Variants in SPATA9 observed in about 807,000 individuals in gnomAD.
SPATA9 encodes spermatogenesis-associated protein 9.
SPATA9 carries 27 observed loss-of-function variants against 25.5 expected under a neutral mutation model. That is an observed-to-expected ratio of 1.06 (90% confidence interval 0.78 to 1.46). The LOEUF (loss-of-function observed/expected upper bound fraction) is 1.46. SPATA9 is among the 40% of genes most tolerant of loss of function. The pLI is 0.00. For synonymous variants in SPATA9, 102 were observed against 105.7 expected (o/e 0.97, Z 0.21); for missense variants, 282 against 297.5 (o/e 0.95, Z 0.38).
chr5:95,687,813 A>G (rs1415225830), upstream of SPATA9, among the ~76,000 whole-genome samples: 5 of 152,194 alleles, frequency 3.3e-5, no homozygotes, highest in African/African-American at 9.6e-5. Context: ...TGTTTCCCCT[A>G]TCAGATTATA....
chr5:95,684,285 T>C (rs1259021938), upstream of SPATA9, among the ~76,000 whole-genome samples: 1 of 152,194 alleles, frequency 6.6e-6, no homozygotes, highest in Non-Finnish European at 1.5e-5. Context: ...CCTAGCAAGA[T>C]AGTTGGTCAT....
intron 1 of SPATA9, 88 bp downstream of exon 1, chr5:95,682,706 G>C: frequency 1.3e-6 from 2 of 1,509,008 alleles, no homozygotes; most frequent in Non-Finnish European, 1.8e-6. Context: ...CAAATTCCTA[G>C]ATGACTCGGA....
chr5:95,715,196 T>C, the SPATA9 span, among the ~76,000 whole-genome samples: 26 of 151,894 alleles, frequency 1.7e-4, no homozygotes, highest in East Asian at 5.8e-4. Context: ...TGGTGGTGCA[T>C]GCCTGTAGTC....
chr5:95,719,261 G>A, the SPATA9 span, among the ~76,000 whole-genome samples: 14 of 152,174 alleles, frequency 9.2e-5, no homozygotes, highest in Non-Finnish European at 1.8e-4. Flanking sequence ...TATAGTAAAT[G>A]TCTTCCTTGA....
the SPATA9 span, chr5:95,730,866 C>G: frequency 2.2e-6 from 1 of 455,640 alleles, no homozygotes; most frequent in Non-Finnish European, 4.4e-6. Context: ...AGCTGTAGCG[C>G]ATGTTGACAA....
At chr5:95,653,294 T>G in intron 8 of SPATA9, 12 of 1,532,868 alleles carry the variant, frequency 7.8e-6, no homozygotes, top group Non-Finnish European at 1.1e-5. Flanking sequence ...AAGAGCCAAC[T>G]GTGTACTCCA....
At chr5:95,667,060 TAAG>T (rs1751880571) in intron 3 of SPATA9, among the ~76,000 whole-genome samples, 1 of 152,174 alleles carries the variant, frequency 6.6e-6, no homozygotes, top group African/African-American at 2.4e-5. Context: ...ACCTATGAAA[TAAG>T]AACACAGGTT....
chr5:95,706,421 T>C, the SPATA9 span, among the ~76,000 whole-genome samples: 3 of 151,914 alleles, frequency 2.0e-5, no homozygotes, highest in Non-Finnish European at 2.9e-5. Context: ...CAGCCACAAA[T>C]GGGTGGAGTC....
At position 95,662,661 on chromosome 5, in the gene SPATA9, G is replaced by C. The variant is rs557041448; in HGVS notation, c.474+1292C>G. Among the ~76,000 whole-genome samples the C allele has an allele frequency of 5.9e-5, 9 of 152,232 alleles. No individual in the cohort carries two copies. The East Asian group carries it at 1.7e-3, about 29-fold the overall frequency. ...TCCATATATAATCAAAAAAGGACAG[G>C]CTCCTAGAATATGTTTTTTAAAGTA... On this transcript the variant is annotated intron_variant, in intron 4 of 4. Coordinates refer to ENST00000274432, the MANE Select transcript of SPATA9 (RefSeq NM_031952.4).
the SPATA9 span, among the ~76,000 whole-genome samples, chr5:95,714,489 G>T: frequency 6.6e-6 from 1 of 152,166 alleles, no homozygotes; most frequent in Non-Finnish European, 1.5e-5. Context: ...TCAAAAAGGG[G>T]GAAAGGTCTG....
At chr5:95,680,479 C>T (rs1334852444) in intron 2 of SPATA9, among the ~76,000 whole-genome samples, 1 of 152,140 alleles carries the variant, frequency 6.6e-6, no homozygotes, top group East Asian at 1.9e-4. Context: ...GCTAATTCCT[C>T]TCTCCTTTTT....
the SPATA9 span, among the ~76,000 whole-genome samples, chr5:95,710,916 A>G: frequency 6.6e-6 from 1 of 151,922 alleles, no homozygotes. Flanking sequence ...AAATCCCTCC[A>G]GTTTTTGGAG....
At chr5:95,663,586 A>C (rs1466508981) in intron 4 of SPATA9, among the ~76,000 whole-genome samples, 1 of 152,154 alleles carries the variant, frequency 6.6e-6, no homozygotes, top group Non-Finnish European at 1.5e-5. Context: ...TCCAAAATAC[A>C]CTAATACCTG....
At chr5:95,658,033 A>G (rs1445712745), downstream of SPATA9, 1 of 152,204 alleles carries the variant, frequency 6.6e-6, no homozygotes, top group Non-Finnish European at 1.5e-5. Flanking sequence ...TTCATTCTAA[A>G]TTTGTATCTC....
At chr5:95,710,348 G>A in the SPATA9 span, among the ~76,000 whole-genome samples, 1 of 152,232 alleles carries the variant, frequency 6.6e-6, no homozygotes, top group South Asian at 2.1e-4. Flanking sequence ...ACAGTAAACT[G>A]ATACTGCAGG....
chr5:95,661,489 A>G (rs1751262884), intron 4 of SPATA9, among the ~76,000 whole-genome samples: 2 of 152,104 alleles, frequency 1.3e-5, no homozygotes, highest in African/African-American at 4.8e-5. Context: ...GGCGTGATAA[A>G]TTGTGTGAGA....
downstream of SPATA9, chr5:95,658,221 A>G (rs955205295): frequency 1.3e-5 from 2 of 153,642 alleles, no homozygotes; most frequent in African/African-American, 4.8e-5. Context: ...TCCAGTCTGC[A>G]TATAAAAAAT....
At chr5:95,704,967 C>T in the SPATA9 span, among the ~76,000 whole-genome samples, 2 of 149,142 alleles carry the variant, frequency 1.3e-5, no homozygotes, top group African/African-American at 5.0e-5. Flanking sequence ...TTTTTTGAGA[C>T]AGAGTCTCCC....
At chr5:95,717,228 T>C in the SPATA9 span, 1 of 152,240 alleles carries the variant, frequency 6.6e-6, no homozygotes, top group Non-Finnish European at 1.5e-5. Flanking sequence ...CCAAGAAGGA[T>C]TTCAGCCAGC....
Sources: allele counts gnomAD v4.1 joint callset (sites outside exome capture counted in the v4.1 genomes callset), GRCh38; gene constraint gnomAD v4.1.1; transcripts MANE v1.5; gene names NCBI Gene and HGNC (gene_info 2026-07-23, HGNC 2026-07-21).